The following DDRGK1 variants were observed in gnomAD, a reference collection of about 807,000 sequenced individuals.
DDRGK1 encodes the protein DDRGK domain-containing protein 1.
Under a neutral mutation model 45.8 loss-of-function variants are expected in DDRGK1, and 38 were observed. That is an observed-to-expected ratio of 0.83 (90% CI 0.64 to 1.09). The LOEUF is 1.09. Among genes scored for constraint, DDRGK1 ranks in the 50% least tolerant of loss-of-function variants. The probability of loss-of-function intolerance (pLI) is 0.00; values close to 1 mark genes in which losing one functional copy is unlikely to be tolerated. For synonymous variants in DDRGK1, 171 were observed against 168.7 expected (o/e 1.01, Z -0.11); for missense variants, 403 against 419.9 (o/e 0.96, Z 0.35).
chr20:3,199,930 G>T (rs1330066324), intron 4 of DDRGK1, 71 bp downstream of exon 4: 1 of 1,414,054 alleles, frequency 7.1e-7, no homozygotes, highest in Non-Finnish European at 9.4e-7. Flanking sequence ...GGAGGTGCCA[G>T]GGAGCTGCAT....
Position 3,203,368 on chromosome 20 carries a change from A to G in DDRGK1, c.140T>C (p.Val47Ala). The change falls in exon 2 of 9, where the codon GTG becomes GCG. Residue 47 changes from valine (V) to alanine (A), a missense_variant. Coordinates refer to ENST00000354488, the MANE Select transcript of DDRGK1 (RefSeq NM_023935.3). ...HNEELAGAGR[V>A]AQPGPLEPEE... ...AGGCTCCAGGGGCCCAGGCTGGGCC[A>G]CCCGGCCTGCTCCTGCCAGCTCCTC... 6.2e-7 allele frequency: 1 copy of G among 1,606,508 alleles called. No homozygotes were observed. Among genetic ancestry groups the G allele is most frequent in the Non-Finnish European group, 8.5e-7 (1 of 1,176,284 alleles).
At position 3,194,901 on chromosome 20, in the gene DDRGK1, C is replaced by G. The variant is rs539785917; in HGVS notation, c.634-33G>C. 88 of 1,611,750 alleles carry G rather than the reference C, an allele frequency of 5.5e-5. 3 individuals are homozygous for G. The South Asian group carries it at 8.6e-4, about 16-fold the overall frequency. ...AGCAGAGAAATCAGGGTGAGCACCC[C>G]CTAGCAAGCCCACAGGGTTCTGTAC... On this transcript the variant is annotated intron_variant, in intron 5 of 8. Transcript: ENST00000354488.
chr20:3,195,129 C>A, intron 5 of DDRGK1, 102 bp downstream of exon 5: 1 of 1,582,744 alleles, frequency 6.3e-7, no homozygotes, highest in Non-Finnish European at 8.6e-7. Context: ...CCACCTCTCA[C>A]TGCCTGGCCA....
chr20:3,194,543 A>G (rs1600471904), intron 6 of DDRGK1, among the ~76,000 whole-genome samples: 1 of 152,244 alleles, frequency 6.6e-6, no homozygotes, highest in East Asian at 1.9e-4. Context: ...TTGAAAACAC[A>G]CTGACTCACT....
chr20:3,190,909 C>G lies in DDRGK1; in HGVS notation c.779-90G>C, dbSNP rs2066986976. 3.3e-5 allele frequency: 49 copies of G among 1,494,918 alleles called. No individual in the cohort carries two copies. In the South Asian group the frequency reaches 6.1e-4, roughly 19 times the overall value. 92.6% of individuals were successfully genotyped at this position (1,494,918 alleles called of 1,614,324 possible). A position where few individuals can be genotyped will look rare whatever the true frequency, so the allele number is the denominator to read the frequency against. On this transcript the variant is annotated intron_variant, in intron 8 of 8. Transcript: ENST00000354488. The stretch of plus-strand genomic sequence containing the variant: ...CCCACCTACTCCTTCACAGCTGGCT[C>G]AGGGCCCTTCCGGCCTCCTGCCTGC...
At position 3,204,604 on chromosome 20, in the gene DDRGK1, C is replaced by G; in HGVS notation, c.24G>C (p.Leu8Phe). The G allele has an allele frequency of 6.3e-7, 1 of 1,590,314 alleles. No individual in the cohort carries two copies. Among genetic ancestry groups the G allele is most frequent in the Non-Finnish European group, 8.5e-7 (1 of 1,172,460 alleles). MVAPVWY[L>F]VAAALLVGFI... Reference sequence around the variant, plus strand: ...AGCCGACTAGCAGAGCCGCCGCTACCAAGTACCACACAGGCGCCACCATGA... The same window carrying G: ...AGCCGACTAGCAGAGCCGCCGCTACGAAGTACCACACAGGCGCCACCATGA... The change falls in exon 1 of 9, where the codon TTG becomes TTC. Residue 8 changes from leucine to phenylalanine, a missense_variant. Transcript: ENST00000354488.
At chr20:3,191,989 ACACACACACACT>A (rs2066991505) in intron 6 of DDRGK1, among the ~76,000 whole-genome samples, 168 bp from the exon 7 acceptor site, 2 of 150,492 alleles carry the variant, frequency 1.3e-5, no homozygotes, top group South Asian at 2.1e-4. Context: ...ACACACACAC[ACACACACACACT>A]CACTATCACC....
At chr20:3,194,665 G>C in intron 6 of DDRGK1, 165 bp downstream of exon 6, 2 of 864,942 alleles carry the variant, frequency 2.3e-6, no homozygotes, top group Non-Finnish European at 3.5e-6. Flanking sequence ...GGGTTGGAGG[G>C]AGAGAAACTC....
intron 7 of DDRGK1, 94 bp downstream of exon 7, chr20:3,191,671 G>A (rs180681469): frequency 1.5e-5 from 20 of 1,363,110 alleles, no homozygotes; most frequent in African/African-American, 1.3e-4. Flanking sequence ...CAAGGTAGAC[G>A]GTGCATCAAG....
intron 3 of DDRGK1, 36 bp from the exon 4 acceptor site, chr20:3,200,138 C>T: frequency 1.2e-6 from 2 of 1,601,512 alleles, no homozygotes; most frequent in Non-Finnish European, 1.7e-6. Context: ...CATCCCTCAC[C>T]CCCGGCTAGA....
intron 2 of DDRGK1, among the ~76,000 whole-genome samples, chr20:3,202,201 T>G (rs1471771319): frequency 2.4e-4 from 33 of 139,562 alleles, no homozygotes; most frequent in Middle Eastern, 4.5e-3. Flanking sequence ...TGATCCACCC[T>G]CCTTGGCCTC....
At chr20:3,193,105 T>C (rs1032137010) in intron 6 of DDRGK1, among the ~76,000 whole-genome samples, 1 of 152,250 alleles carries the variant, frequency 6.6e-6, no homozygotes, top group Admixed American at 6.5e-5. Flanking sequence ...CCACCTGCAA[T>C]CTCAGCTACT....
chr20:3,196,649 C>A (rs1439914886), intron 4 of DDRGK1, among the ~76,000 whole-genome samples: 1 of 152,088 alleles, frequency 6.6e-6, no homozygotes, highest in African/African-American at 2.4e-5. Flanking sequence ...CCACTGCACT[C>A]CAGCCTGGGG....
intron 1 of DDRGK1, among the ~76,000 whole-genome samples, chr20:3,203,831 G>T (rs1392870347): frequency 6.6e-6 from 1 of 152,190 alleles, no homozygotes; most frequent in Non-Finnish European, 1.5e-5. Flanking sequence ...AGACCTGCTG[G>T]ATCTCCGCCT....
At chr20:3,204,466 C>A in intron 1 of DDRGK1, 71 bp downstream of exon 1, 1 of 1,458,010 alleles carries the variant, frequency 6.9e-7, no homozygotes, top group Non-Finnish European at 9.2e-7. Context: ...AGCCGCGGCG[C>A]GACGGTCCAC....
chr20:3,193,171 G>A (rs953148077), intron 6 of DDRGK1, among the ~76,000 whole-genome samples: 1 of 152,188 alleles, frequency 6.6e-6, no homozygotes, highest in African/African-American at 2.4e-5. Context: ...ACAGGAGAAT[G>A]GAACAAGATC....
chr20:3,202,082 G>A (rs1265578161), intron 2 of DDRGK1, among the ~76,000 whole-genome samples: 2 of 149,060 alleles, frequency 1.3e-5, no homozygotes, highest in African/African-American at 4.9e-5. Flanking sequence ...CGGGTTCATG[G>A]CATTCTCCTG....
chr20:3,197,914 T>G, intron 4 of DDRGK1, among the ~76,000 whole-genome samples: 1 of 139,060 alleles, frequency 7.2e-6, no homozygotes. Flanking sequence ...AGAGCAAGAC[T>G]GTATCTCAAA....
chr20:3,204,351 G>A (rs1389993650), intron 1 of DDRGK1, among the ~76,000 whole-genome samples, 186 bp downstream of exon 1: 3 of 152,096 alleles, frequency 2.0e-5, no homozygotes, highest in South Asian at 2.1e-4. Context: ...AAGGGGTAGC[G>A]GCGCGGCCAC....
Sources: gnomAD v4.1 joint callset for allele counts (sites outside exome capture counted in the v4.1 genomes callset) on GRCh38, gnomAD v4.1.1 for gene constraint, MANE v1.5 for transcripts, NCBI Gene and HGNC (gene_info 2026-07-23, HGNC 2026-07-21) for gene names.